Variants in PSD2 observed in about 807,000 individuals in gnomAD.
PSD2 encodes PH and SEC7 domain-containing protein 2.
In PSD2, 38 loss-of-function variants were observed where a neutral mutation model predicts 69.8. That is an observed-to-expected ratio of 0.54 (90% CI 0.42 to 0.71). The LOEUF is 0.71. Ranked by LOEUF, PSD2 falls within the 30% of genes least tolerant of loss-of-function variation. The pLI is 0.00. For synonymous variants in PSD2, 412 were observed against 423.0 expected (o/e 0.97, Z 0.32); for missense variants, 943 against 1,014.5 (o/e 0.93, Z 0.96).
At chr5:139,771,168 A>C in the PSD2 span, among the ~76,000 whole-genome samples, 2 of 152,214 alleles carry the variant, frequency 1.3e-5, no homozygotes, top group Non-Finnish European at 2.9e-5. Flanking sequence ...TTTGAACAAG[A>C]AGCTCCACAT....
At chr5:139,775,434 T>C in the PSD2 span, 3 of 152,304 alleles carry the variant, frequency 2.0e-5, no homozygotes, top group African/African-American at 7.2e-5. Flanking sequence ...CAAGTGTCTG[T>C]GCGTGTGAGG....
chr5:139,818,875 A>G (rs1760188599), intron 5 of PSD2, among the ~76,000 whole-genome samples: 1 of 152,190 alleles, frequency 6.6e-6, no homozygotes, highest in African/African-American at 2.4e-5. Flanking sequence ...TAGAATTTCC[A>G]TTTTATTAAA....
the PSD2 span, among the ~76,000 whole-genome samples, chr5:139,764,599 G>T: frequency 1.1e-4 from 17 of 152,260 alleles, no homozygotes; most frequent in South Asian, 3.5e-3. Context: ...CTCGAGCCGC[G>T]CGCCGCCCTC....
chr5:139,791,306 T>C (rs983465452), upstream of PSD2, among the ~76,000 whole-genome samples: 1 of 152,162 alleles, frequency 6.6e-6, no homozygotes, highest in Admixed American at 6.5e-5. Context: ...GGTGCATGCC[T>C]GTAGTCCTAG....
At position 139,835,759 on chromosome 5, in the gene PSD2, T is replaced by C. The variant is rs1760699967; in HGVS notation, c.1396T>C (p.Trp466Arg). The C allele has an allele frequency of 6.2e-7, 1 of 1,614,080 alleles. No individual in the cohort carries two copies. The highest frequency in any genetic ancestry group is 1.1e-5 in the South Asian group (1 of 91,070). Residue 466 changes from tryptophan to arginine, a missense_variant, in exon 9 of 15, where the codon TGG (tryptophan) becomes CGG (arginine). This residue lies in a region of PSD2 where 312 missense variants were observed against 400.7 expected (regional missense o/e 0.78). Transcript: ENST00000274710. ...CTCCATCAAGAATGAAAAGCTGGAA[T>C]GGGCCATGTGAGTAGTGACGATGGG... ...YNSIKNEKLEWAIDEDELRKS... is the reference protein window; with the variant it reads ...YNSIKNEKLERAIDEDELRKS...
the PSD2 span, among the ~76,000 whole-genome samples, chr5:139,769,646 CT>C: frequency 6.6e-6 from 1 of 152,172 alleles, no homozygotes; most frequent in East Asian, 1.9e-4. Flanking sequence ...AGGGACACAC[CT>C]TTGTTCCCTA....
At chr5:139,808,766 A>G (rs1202916740) in intron 1 of PSD2, among the ~76,000 whole-genome samples, 2 of 152,178 alleles carry the variant, frequency 1.3e-5, no homozygotes, top group Non-Finnish European at 2.9e-5. Context: ...AGCACCCTGG[A>G]CAGCGCCCCA....
In PSD2 at chr5:139,835,723, A is replaced by C; in HGVS notation, c.1360A>C (p.Thr454Pro). ...GQDFAKDLLKTLYNSIKNEKL... is the reference protein window; with the variant it reads ...GQDFAKDLLKPLYNSIKNEKL... ...CCCCTCTCTCTTTTCCCTCTCCCAGACCCTTTACAACTCCATCAAGAATGA... is the reference window on the plus strand; with the variant it reads ...CCCCTCTCTCTTTTCCCTCTCCCAGCCCCTTTACAACTCCATCAAGAATGA... The change falls in exon 9 of 15, where the codon ACC becomes CCC. Residue 454 changes from threonine (T) to proline (P), a missense_variant and splice_region_variant. By Grantham distance (38) the Thr-to-Pro change is conservative. Around this residue, in one of 3 missense-constraint regions of PSD2, gnomAD observed 312 missense variants for 400.7 expected, o/e 0.78. Transcript: ENST00000274710. The C allele has an allele frequency of 6.2e-7, 1 of 1,613,872 alleles. No individual in the cohort carries two copies. Among genetic ancestry groups the C allele is most frequent in the Non-Finnish European group, 8.5e-7 (1 of 1,179,928 alleles).
At chr5:139,813,183 G>C in intron 2 of PSD2, 126 bp from the exon 3 acceptor site, 1 of 713,256 alleles carries the variant, frequency 1.4e-6, no homozygotes, top group Non-Finnish European at 2.3e-6. Context: ...TGGCTGAAGG[G>C]ATAAGTGAAT....
intron 1 of PSD2, among the ~76,000 whole-genome samples, chr5:139,805,003 G>A (rs1759767881): frequency 6.6e-6 from 1 of 150,962 alleles, no homozygotes; most frequent in Admixed American, 6.6e-5. Flanking sequence ...GTGTCTCTGT[G>A]TGTGTGTGAG....
intron 14 of PSD2, among the ~76,000 whole-genome samples, chr5:139,841,829 C>T (rs1760878291): frequency 6.6e-6 from 1 of 152,130 alleles, no homozygotes; most frequent in Admixed American, 6.5e-5. Context: ...GTCGTTTGCC[C>T]ATTTAAAAAT....
the PSD2 span, among the ~76,000 whole-genome samples, chr5:139,785,970 T>A: frequency 6.6e-6 from 1 of 152,092 alleles, no homozygotes; most frequent in African/African-American, 2.4e-5. Context: ...ACACCCGCGG[T>A]CCCAGCTACT....
the PSD2 span, among the ~76,000 whole-genome samples, chr5:139,781,436 C>T: frequency 4.7e-5 from 7 of 148,276 alleles, no homozygotes; most frequent in African/African-American, 1.2e-4. Flanking sequence ...CCTGGGTTCA[C>T]GCCATTCTCC....
intron 7 of PSD2, among the ~76,000 whole-genome samples, chr5:139,825,947 T>G (rs1456731847): frequency 6.6e-6 from 1 of 151,652 alleles, no homozygotes; most frequent in African/African-American, 2.4e-5. Flanking sequence ...GGCAGAGGAG[T>G]AGGAGAGACT....
At chr5:139,821,787 C>T in intron 5 of PSD2, 106 bp from the exon 6 acceptor site, 1 of 621,686 alleles carries the variant, frequency 1.6e-6, no homozygotes, top group Non-Finnish European at 2.8e-6. Context: ...GAGTGGGGCA[C>T]TGGAGCCCTG....
chr5:139,815,141 A>G (rs1760087212), intron 4 of PSD2, among the ~76,000 whole-genome samples: 1 of 152,102 alleles, frequency 6.6e-6, no homozygotes, highest in Non-Finnish European at 1.5e-5. Flanking sequence ...GGATGCCCTG[A>G]GGGCGGCTCA....
At chr5:139,795,331 G>C (rs1759491591), upstream of PSD2, among the ~76,000 whole-genome samples, 1 of 151,928 alleles carries the variant, frequency 6.6e-6, no homozygotes, top group South Asian at 2.1e-4. This position sits in a 1 kb window ranked among gnomAD's most constrained non-coding sequence, Gnocchi z 4.5. Flanking sequence ...GGCGTCTCCC[G>C]GGGGCTGGCG....
At chr5:139,801,537 C>T (rs138159890) in intron 1 of PSD2, among the ~76,000 whole-genome samples, 1 of 152,234 alleles carries the variant, frequency 6.6e-6, no homozygotes, top group East Asian at 1.9e-4. Flanking sequence ...CTCTTCTCCC[C>T]CTCCCACCTC....
the PSD2 span, among the ~76,000 whole-genome samples, chr5:139,747,435 A>G: frequency 6.6e-6 from 1 of 152,184 alleles, no homozygotes; most frequent in Admixed American, 6.5e-5. This position sits in a 1 kb window ranked among gnomAD's most constrained non-coding sequence, Gnocchi z 6.7. Context: ...CCCAGCTGCC[A>G]GCTTGGCGGA....
Sources: gnomAD v4.1 joint callset for allele counts (sites outside exome capture counted in the v4.1 genomes callset) on GRCh38, gnomAD v4.1.1 for gene constraint, gnomAD v4.1.1 regional missense constraint, Gnocchi (gnomAD v3.1) non-coding constraint, MANE v1.5 for transcripts, NCBI Gene and HGNC (gene_info 2026-07-23, HGNC 2026-07-21) for gene names.